The following COL4A2 variants were observed in gnomAD, a reference collection of about 807,000 sequenced individuals.
The protein encoded by COL4A2 is collagen type IV alpha 2 chain.
COL4A2 carries 99 observed loss-of-function variants against 200.2 expected under a neutral mutation model. The ratio of observed to expected loss-of-function variants is 0.49; its 90% CI spans 0.42 to 0.58. The LOEUF (loss-of-function observed/expected upper bound fraction) is 0.58, where lower values mean the gene tolerates loss of function less well. Ranked by LOEUF, COL4A2 falls within the 20% of genes least tolerant of loss-of-function variation. The pLI is 0.00. For missense variants in COL4A2, 1,950 were observed against 2,314.1 expected (o/e 0.84, Z 3.23); for synonymous variants, 897 against 900.6 (o/e 1.00, Z 0.07).
chr13:110,482,759 C>T, intron 32 of COL4A2, 100 bp downstream of exon 32: 1 of 1,295,102 alleles, frequency 7.7e-7, no homozygotes, highest in Non-Finnish European at 1.1e-6. Context: ...TTTTGAAAAC[C>T]CATGCATCCA....
At chr13:110,404,976 A>G (rs1879508343) in intron 4 of COL4A2, among the ~76,000 whole-genome samples, 1 of 152,218 alleles carries the variant, frequency 6.6e-6, no homozygotes, top group Admixed American at 6.5e-5. Context: ...TTAGCCAGGC[A>G]TGATGGTGCA....
At chr13:110,442,442 G>T (rs559757375) in intron 16 of COL4A2, among the ~76,000 whole-genome samples, 1 of 152,312 alleles carries the variant, frequency 6.6e-6, no homozygotes, top group South Asian at 2.1e-4. Flanking sequence ...CACTGGCCAG[G>T]TGGCCATCAC....
intron 38 of COL4A2, 130 bp from the exon 39 acceptor site, chr13:110,493,080 TG>T: frequency 3.1e-5 from 7 of 223,484 alleles, no homozygotes; most frequent in South Asian, 3.1e-4. Context: ...GACACCCCCA[TG>T]GGTGAAATAA....
chr13:110,334,119 G>T (rs7993125), intron 3 of COL4A2, among the ~76,000 whole-genome samples: 174 of 152,274 alleles, frequency 1.1e-3, no homozygotes, highest in African/African-American at 4.1e-3. Context: ...GCCTAGACAC[G>T]GCCTGAACAC....
At chr13:110,490,592 C>T (rs1442156783) in intron 36 of COL4A2, among the ~76,000 whole-genome samples, 1 of 152,202 alleles carries the variant, frequency 6.6e-6, no homozygotes, top group Non-Finnish European at 1.5e-5. Flanking sequence ...TCCCGGGCTC[C>T]TTTGTTATCT....
chr13:110,469,384 T>A, intron 28 of COL4A2, 60 bp downstream of exon 28: 1 of 1,485,676 alleles, frequency 6.7e-7, no homozygotes, highest in Non-Finnish European at 9.1e-7. Flanking sequence ...TGTGTGTGAT[T>A]CATAAGCATC....
intron 3 of COL4A2, among the ~76,000 whole-genome samples, chr13:110,350,377 T>A (rs1407967837): frequency 6.6e-6 from 1 of 152,178 alleles, no homozygotes; most frequent in African/African-American, 2.4e-5. Context: ...ATATTTTGAA[T>A]TTTAAAAAAA....
At chr13:110,363,420 C>A in intron 4 of COL4A2, among the ~76,000 whole-genome samples, 1 of 152,142 alleles carries the variant, frequency 6.6e-6, no homozygotes, top group South Asian at 2.1e-4. Flanking sequence ...CACCAGATTT[C>A]TTAAATTCAA....
At chr13:110,507,289 A>C (rs763590043) in intron 46 of COL4A2, among the ~76,000 whole-genome samples, 7 of 152,112 alleles carry the variant, frequency 4.6e-5, no homozygotes, top group Non-Finnish European at 5.9e-5. Flanking sequence ...CCGCCTCCAC[A>C]ATGAGTTTCT....
chr13:110,309,707 C>T (rs1884917994), intron 3 of COL4A2, among the ~76,000 whole-genome samples: 1 of 152,154 alleles, frequency 6.6e-6, no homozygotes, highest in Non-Finnish European at 1.5e-5. Flanking sequence ...TAGGTATTAG[C>T]CTGGGCATGG....
intron 4 of COL4A2, among the ~76,000 whole-genome samples, chr13:110,409,390 T>C (rs1215913692): frequency 2.0e-5 from 3 of 152,214 alleles, no homozygotes; most frequent in Non-Finnish European, 2.9e-5. Flanking sequence ...CCCGGGTCTC[T>C]AGTTTCCCTC....
At chr13:110,402,050 A>T (rs1410326769) in intron 4 of COL4A2, among the ~76,000 whole-genome samples, 1 of 152,218 alleles carries the variant, frequency 6.6e-6, no homozygotes, top group East Asian at 1.9e-4. Flanking sequence ...TCAGTCCGTA[A>T]CATTTCACCC....
rs1566505619 is a variant in COL4A2 at position 110,385,941 on chromosome 13, G to GGATAGGCCGTGGTTACAGCATGTC, written c.180+28392_180+28393insAGGCCGTGGTTACAGCATGTCGAT. Among the ~76,000 whole-genome samples the GGATAGGCCGTGGTTACAGCATGTC allele has an allele frequency of 1.6e-4, 9 of 56,062 alleles. 2 individuals are homozygous for GGATAGGCCGTGGTTACAGCATGTC. Among genetic ancestry groups the GGATAGGCCGTGGTTACAGCATGTC allele is most frequent in the Non-Finnish European group, 2.4e-4 (6 of 24,994 alleles). 36.8% of individuals were successfully genotyped at this position (56,062 alleles called of 152,430 possible). A position where few individuals can be genotyped will look rare whatever the true frequency, so the allele number is the denominator to read the frequency against. ...TGGATGGGCCGTGGTTACAGCGTGT[G>GGATAGGCCGTGGTTACAGCATGTC]GATGGGCCGTGGTCACAGCGTGTGG... On this transcript the variant is annotated intron_variant, in intron 4 of 47. Coordinates refer to ENST00000360467, the MANE Select transcript of COL4A2 (RefSeq NM_001846.4).
chr13:110,442,087 CAAAAAAAAAAAAAA>C lies in COL4A2; in HGVS notation c.957+2269_957+2282del, dbSNP rs10530153. ...GGAGAGACAGTGAGACTCTCTGTCTCAAAAAAAAAAAAAAAAAAAAAAAAAAAAGGGCAGTTCCA... is the reference window on the plus strand; with the variant it reads ...GGAGAGACAGTGAGACTCTCTGTCTCAAAAAAAAAAAAAAGGGCAGTTCCA... On this transcript the variant is annotated intron_variant, in intron 16 of 47. Transcript: ENST00000360467. 6.8e-3 allele frequency among the ~76,000 whole-genome samples: 322 copies of C among 47,672 alleles called. 6 individuals carry two copies. Among genetic ancestry groups the C allele is most frequent in the African/African-American group, 0.034 (305 of 8,998 alleles). 31.3% of individuals were successfully genotyped at this position (47,672 alleles called of 152,430 possible). A position where few individuals can be genotyped will look rare whatever the true frequency, so the allele number is the denominator to read the frequency against.
At chr13:110,385,572 G>GCGTGGATAGGCCGTGGTTA (rs1878681009) in intron 4 of COL4A2, among the ~76,000 whole-genome samples, 1 of 7,044 alleles carries the variant, frequency 1.4e-4, no homozygotes, top group East Asian at 3.4e-3. Context: ...GACCGTGGCT[G>GCGTGGATAGGCCGTGGTTA]CAGTGTGTGG....
In COL4A2 at chr13:110,469,304, A is replaced by T. The variant is rs1329056641; in HGVS notation, c.2183A>T (p.Glu728Val). The T allele has an allele frequency of 3.8e-6, 6 of 1,591,102 alleles. No homozygotes were observed. Among genetic ancestry groups the T allele is most frequent in the African/African-American group, 1.3e-5 (1 of 74,602 alleles). ...PRGLPGDAGR[E>V]GFPGPPGFIG... is the part of the protein sequence containing the mutation. The stretch of plus-strand genomic sequence containing the variant: ...GGCTTGCCAGGAGACGCAGGTCGTG[A>T]AGGGTTCCCAGGACCCCCAGGTGAG... The change falls in exon 28 of 48, where the codon GAA becomes GTA. Residue 728 changes from glutamate to valine, a missense_variant. Glu to Val is a moderately radical substitution (Grantham distance 121). Transcript: ENST00000360467.
intron 43 of COL4A2, 69 bp downstream of exon 43, chr13:110,503,550 G>A (rs1227244028): frequency 1.0e-6 from 1 of 981,888 alleles, no homozygotes; most frequent in Non-Finnish European, 1.5e-6. Context: ...GGGACATCCT[G>A]GAGGTCAAAC....
rs148865613 is a variant in COL4A2 at position 110,470,233 on chromosome 13, T to C, written c.2203+909T>C. The stretch of plus-strand genomic sequence containing the variant: ...GCCAGGCCGCACACATCTTCAATAG[T>C]GTTTGTCTAATGAAACCATGGAAGC... On this transcript the variant is annotated intron_variant, in intron 28 of 47. Coordinates refer to ENST00000360467, the MANE Select transcript of COL4A2 (RefSeq NM_001846.4). Among the ~76,000 whole-genome samples, 767 of 152,226 alleles carry C rather than the reference T, an allele frequency of 5.0e-3. 8 individuals are homozygous for C. The highest frequency in any genetic ancestry group is 0.017 in the African/African-American group (714 of 41,520).
At chr13:110,491,466 G>A in intron 37 of COL4A2, 126 bp downstream of exon 37, 1 of 701,804 alleles carries the variant, frequency 1.4e-6, no homozygotes, top group East Asian at 2.7e-5. Flanking sequence ...CGTGCCTGCT[G>A]CCAGCTTAGG....
Sources: gnomAD v4.1 joint callset for allele counts (sites outside exome capture counted in the v4.1 genomes callset) on GRCh38, gnomAD v4.1.1 for gene constraint, MANE v1.5 for transcripts, NCBI Gene and HGNC (gene_info 2026-07-23, HGNC 2026-07-21) for gene names.